The following TBX4 variants were observed in gnomAD, a reference collection of about 807,000 sequenced individuals.
The protein encoded by TBX4 is T-box transcription factor TBX4.
A neutral mutation model predicts 54.6 loss-of-function variants in TBX4; 13 were observed. The ratio of observed to expected loss-of-function variants is 0.24; its 90% confidence interval spans 0.15 to 0.38. TBX4 has a LOEUF of 0.38. Ranked by LOEUF, TBX4 falls within the 10% of genes least tolerant of loss-of-function variation. The probability of loss-of-function intolerance (pLI) is 1.00; values close to 1 mark genes in which losing one functional copy is unlikely to be tolerated. For missense variants in TBX4, 631 were observed against 728.5 expected, an observed-to-expected ratio of 0.87 and a Z score of 1.54; for synonymous variants, 314 against 306.7, an observed-to-expected ratio of 1.02 and a Z score of -0.25.
At chr17:61,452,616 G>C (rs1030399777) in intron 1 of TBX4, 39 bp downstream of exon 1, 1 of 152,462 alleles carries the variant, frequency 6.6e-6, no homozygotes, top group Non-Finnish European at 1.5e-5. Flanking sequence ...CGAGCTGGGC[G>C]TGCGGGGCTG....
Position 61,481,729 on chromosome 17 carries a change from G to A in TBX4, c.1022-1168G>A, listed in dbSNP as rs565767762. On this transcript the variant is annotated intron_variant, in intron 8 of 8. Coordinates refer to ENST00000644296, the MANE Select transcript of TBX4 (RefSeq NM_001321120.2). The surrounding 1 kb of genome is among the most constrained non-coding windows in gnomAD (Gnocchi z 4.8). Reference sequence around the variant, plus strand: ...TCCCTGGAGAAAACAGGAGGAGGGAGGCCAAGATGAGCCATGGATGTGTGG... The same window carrying A: ...TCCCTGGAGAAAACAGGAGGAGGGAAGCCAAGATGAGCCATGGATGTGTGG... The A allele has an allele frequency of 6.6e-6, 1 of 152,462 alleles. No individual in the cohort carries two copies. The highest frequency in any genetic ancestry group is 1.9e-4 in the East Asian group (1 of 5,180). The allele number at this position is 152,462 out of a possible 1,614,324, so 9.4% of individuals were successfully genotyped here.
At chr17:61,471,685 A>T (rs1160374116) in intron 5 of TBX4, among the ~76,000 whole-genome samples, 2 of 151,992 alleles carry the variant, frequency 1.3e-5, no homozygotes, top group Non-Finnish European at 2.9e-5. Context: ...GTCTATTCAG[A>T]GAGGGCTTCC....
At position 61,462,818 on chromosome 17, in the gene TBX4, C is replaced by A. The variant is rs2060506655; in HGVS notation, c.282-3001C>A. The stretch of plus-strand genomic sequence containing the variant: ...AGAAACAATTTACATCTCACTCCAT[C>A]ATTTCAAACCTTTCATGAGAGAGGC... On this transcript the variant is annotated intron_variant, in intron 3 of 8. Transcript: ENST00000644296. This position sits in a 1 kb window ranked among gnomAD's most constrained non-coding sequence, Gnocchi z 4.5. 1 of 152,246 alleles carries A rather than the reference C, an allele frequency of 6.6e-6. No individual in the cohort carries two copies. The highest frequency in any genetic ancestry group is 2.4e-5 in the African/African-American group (1 of 41,470). 9.4% of individuals were successfully genotyped at this position (152,246 alleles called of 1,614,324 possible). A position where few individuals can be genotyped will look rare whatever the true frequency, so the allele number is the denominator to read the frequency against.
chr17:61,466,404 C>T (rs1049708455), intron 4 of TBX4, among the ~76,000 whole-genome samples: 7 of 152,194 alleles, frequency 4.6e-5, no homozygotes, highest in Admixed American at 2.6e-4. Context: ...CAGGCCCCTC[C>T]AGCCATCCAG....
chr17:61,474,221 C>T lies in TBX4; in HGVS notation c.550-4406C>T, dbSNP rs767584267. Among the ~76,000 whole-genome samples the T allele has an allele frequency of 1.3e-5, 2 of 152,144 alleles. No homozygotes were observed. The highest frequency in any genetic ancestry group is 2.1e-4 in the South Asian group (1 of 4,818). On this transcript the variant is annotated intron_variant, in intron 5 of 8. Coordinates refer to ENST00000644296, the MANE Select transcript of TBX4 (RefSeq NM_001321120.2). This position sits in a 1 kb window ranked among gnomAD's most constrained non-coding sequence, Gnocchi z 4.6. ...TCTGACAAAATGGACATTAGCCACA[C>T]TTTTGAGGGGCTAGCATCCAGATAA...
At position 61,476,663 on chromosome 17, in the gene TBX4, G is replaced by A. The variant is rs528202922; in HGVS notation, c.550-1964G>A. Among the ~76,000 whole-genome samples the A allele has an allele frequency of 6.4e-4, 97 of 152,324 alleles. No homozygotes were observed. Among genetic ancestry groups the A allele is most frequent in the African/African-American group, 2.3e-3 (95 of 41,582 alleles). On this transcript the variant is annotated intron_variant, in intron 5 of 8. Coordinates refer to ENST00000644296, the MANE Select transcript of TBX4 (RefSeq NM_001321120.2). This position sits in a 1 kb window ranked among gnomAD's most constrained non-coding sequence, Gnocchi z 6.5. ...TTCCTCACCTGGCAGGCCCCCAGTC[G>A]GGCAGCAGGTCCCCAGCTGCAGGAC...
rs1292851803 is a variant in TBX4 at position 61,461,894 on chromosome 17, G to A, written c.282-3925G>A. ...CCGAGAAAGTCGGGGCTGCAGCGGG[G>A]TTGGGGCTTGGGGGACCCTCCAGGT... is the stretch of plus-strand genomic sequence containing the variant. On this transcript the variant is annotated intron_variant, in intron 3 of 8. Coordinates refer to ENST00000644296, the MANE Select transcript of TBX4 (RefSeq NM_001321120.2). The surrounding 1 kb of genome is among the most constrained non-coding windows in gnomAD (Gnocchi z 5.1). Among the ~76,000 whole-genome samples, 2 of 152,028 alleles carry A rather than the reference G, an allele frequency of 1.3e-5. No individual in the cohort carries two copies. Among genetic ancestry groups the A allele is most frequent in the Non-Finnish European group, 2.9e-5 (2 of 67,998 alleles).
At chr17:61,456,406 C>CAGCG in intron 1 of TBX4, 82 bp from the exon 2 acceptor site, 3 of 1,525,352 alleles carry the variant, frequency 2.0e-6, no homozygotes, top group Non-Finnish European at 2.7e-6. Context: ...CGCACGAAGT[C>CAGCG]CCGGAATCGG....
chr17:61,467,751 G>T (rs1208787290), intron 5 of TBX4, 94 bp downstream of exon 5: 18 of 1,518,368 alleles, frequency 1.2e-5, no homozygotes, highest in Non-Finnish European at 1.5e-5. Flanking sequence ...ATCCACTCCG[G>T]GATCCAGCTC....
chr17:61,455,356 C>T (rs1284587612), intron 1 of TBX4, among the ~76,000 whole-genome samples: 3 of 152,196 alleles, frequency 2.0e-5, no homozygotes, highest in Non-Finnish European at 2.9e-5. Flanking sequence ...CAAGAAGGGC[C>T]GTCAGACCTA....
intron 1 of TBX4, among the ~76,000 whole-genome samples, chr17:61,453,340 C>T (rs374408808): frequency 9.9e-5 from 15 of 152,064 alleles, no homozygotes; most frequent in South Asian, 6.2e-4. Flanking sequence ...AACTAGCAAA[C>T]GAACTGTAGG....
chr17:61,466,304 G>T (rs970902386), intron 4 of TBX4, among the ~76,000 whole-genome samples: 3 of 152,198 alleles, frequency 2.0e-5, no homozygotes, highest in East Asian at 1.9e-4. Flanking sequence ...CTGTGGGGAA[G>T]ATGGGAGCAG....
At position 61,481,878 on chromosome 17, in the gene TBX4, T is replaced by C. The variant is rs1196143950; in HGVS notation, c.1022-1019T>C. Reference sequence around the variant, plus strand: ...GCCTCCCGAATTCAAGTGATTCTCCTGCCTCAGCCTCCCCAGTAGCTGAGA... The same window carrying C: ...GCCTCCCGAATTCAAGTGATTCTCCCGCCTCAGCCTCCCCAGTAGCTGAGA... On this transcript the variant is annotated intron_variant, in intron 8 of 8. Coordinates refer to ENST00000644296, the MANE Select transcript of TBX4 (RefSeq NM_001321120.2). The surrounding 1 kb of genome is among the most constrained non-coding windows in gnomAD (Gnocchi z 4.8). The C allele has an allele frequency of 6.6e-6, 1 of 152,290 alleles. No individual in the cohort carries two copies. Among genetic ancestry groups the C allele is most frequent in the Non-Finnish European group, 1.5e-5 (1 of 68,106 alleles). The allele number at this position is 152,290 out of a possible 1,614,324, so 9.4% of individuals were successfully genotyped here.
chr17:61,465,916 T>C lies in TBX4; in HGVS notation c.379T>C (p.Tyr127His). The change falls in exon 4 of 9, where the codon TAC becomes CAC. Residue 127 changes from tyrosine (Y) to histidine (H), a missense_variant. Transcript: ENST00000644296. This position sits in a 1 kb window ranked among gnomAD's most constrained non-coding sequence, Gnocchi z 4.9. ...IDIVPADDHR[Y>H]KFCDNKWMVA... ...CATTGTCCCTGCCGATGACCATCGCTACAAGTTCTGTGACAACAAATGGTA... is the reference window on the plus strand; with the variant it reads ...CATTGTCCCTGCCGATGACCATCGCCACAAGTTCTGTGACAACAAATGGTA... 2 of 1,614,094 alleles carry C rather than the reference T, an allele frequency of 1.2e-6. No homozygotes were observed. Among genetic ancestry groups the C allele is most frequent in the Non-Finnish European group, 1.7e-6 (2 of 1,179,976 alleles).
At position 61,478,886 on chromosome 17, in the gene TBX4, GGCAGGCCCAGT is replaced by G. The variant is rs2060641876; in HGVS notation, c.702+113_702+123del. On this transcript the variant is annotated intron_variant, in intron 6 of 8. Coordinates refer to ENST00000644296, the MANE Select transcript of TBX4 (RefSeq NM_001321120.2). The surrounding 1 kb of genome is among the most constrained non-coding windows in gnomAD (Gnocchi z 7.4). ...GAAGCCAGAGTCCCAGCAGGGCTTG[GGCAGGCCCAGT>G]GCAGGGACCTCAGAAGCCTAGAGTC... The G allele has an allele frequency of 1.3e-6, 2 of 1,579,322 alleles. No individual in the cohort carries two copies. Among genetic ancestry groups the G allele is most frequent in the African/African-American group, 2.7e-5 (2 of 74,078 alleles).
rs139149833 is a variant in TBX4 at position 61,465,795 on chromosome 17, C to T, written c.282-24C>T. ...CTCCTGGTGCTCTGTCCACACGCTCCGCCTCACCCCTCGGCTCCCCCAGGA... is the reference window on the plus strand; with the variant it reads ...CTCCTGGTGCTCTGTCCACACGCTCTGCCTCACCCCTCGGCTCCCCCAGGA... On this transcript the variant is annotated intron_variant, in intron 3 of 8. Transcript: ENST00000644296. The surrounding 1 kb of genome is among the most constrained non-coding windows in gnomAD (Gnocchi z 4.9). The T allele has an allele frequency of 1.3e-3, 2,141 of 1,613,550 alleles. 23 individuals are homozygous for T. The Admixed American group carries it at 0.022, about 17-fold the overall frequency.
intron 5 of TBX4, among the ~76,000 whole-genome samples, chr17:61,477,803 T>A (rs2143854147): frequency 6.6e-6 from 1 of 152,118 alleles, no homozygotes; most frequent in South Asian, 2.1e-4. Flanking sequence ...TAGCTGGGAA[T>A]GATGGAGCAC....
chr17:61,459,146 G>A lies in TBX4; in HGVS notation c.281+1515G>A, dbSNP rs575285592. Among the ~76,000 whole-genome samples, 2 of 152,360 alleles carry A rather than the reference G, an allele frequency of 1.3e-5. No homozygotes were observed. The highest frequency in any genetic ancestry group is 4.1e-4 in the South Asian group (2 of 4,830). ...GAAGACACATGAAGGGGCTGGCAGA[G>A]GGTGCGACATGGAGCAGGCATTGAG... is the stretch of plus-strand genomic sequence containing the variant. On this transcript the variant is annotated intron_variant, in intron 3 of 8. Coordinates refer to ENST00000644296, the MANE Select transcript of TBX4 (RefSeq NM_001321120.2). The surrounding 1 kb of genome is among the most constrained non-coding windows in gnomAD (Gnocchi z 4.8).
rs980224120 is a variant in TBX4, at chr17:61,478,712, C to T, written c.635C>T (p.Thr212Ile). The T allele has an allele frequency of 1.9e-6, 3 of 1,614,234 alleles. No individual in the cohort carries two copies. The highest frequency in any genetic ancestry group is 1.7e-6 in the Non-Finnish European group (2 of 1,180,044). Residue 212 changes from threonine (T) to isoleucine (I), a missense_variant, in exon 6 of 9, where the codon ACT becomes ATT. By Grantham distance (89) the Thr-to-Ile change is moderately conservative. Transcript: ENST00000644296. The surrounding 1 kb of genome is among the most constrained non-coding windows in gnomAD (Gnocchi z 7.4). ...AACAATGCTTTCGGCTCCAAAAACA[C>T]TGCTTTCTGCACCCACGTGTTCCCA... ...DENNAFGSKN[T>I]AFCTHVFPET...
Sources: allele counts gnomAD v4.1 joint callset (sites outside exome capture counted in the v4.1 genomes callset), GRCh38; gene constraint gnomAD v4.1.1; non-coding constraint Gnocchi (gnomAD v3.1); transcripts MANE v1.5; gene names NCBI Gene and HGNC (gene_info 2026-07-23, HGNC 2026-07-21).